CHMP2B: variants seen among roughly 807,000 people sequenced by gnomAD.
The protein encoded by CHMP2B is charged multivesicular body protein 2B.
In CHMP2B, 22 loss-of-function variants were observed where a neutral mutation model predicts 29.8. That is an observed-to-expected ratio of 0.74 (90% confidence interval 0.53 to 1.05). The LOEUF (loss-of-function observed/expected upper bound fraction) is 1.05. Among genes scored for constraint, CHMP2B ranks in the 50% least tolerant of loss-of-function variants. CHMP2B has a pLI of 0.00. For synonymous variants in CHMP2B, 78 were observed against 75.8 expected, an observed-to-expected ratio of 1.03 and a Z score of -0.15; for missense variants, 261 against 252.2, an observed-to-expected ratio of 1.03 and a Z score of -0.24.
intron 1 of CHMP2B, among the ~76,000 whole-genome samples, chr3:87,239,066 T>A (rs1473442463): frequency 1.3e-5 from 2 of 152,178 alleles, no homozygotes; most frequent in African/African-American, 4.8e-5. Flanking sequence ...CATTTGTGTA[T>A]CTTCTTTGGC....
chr3:87,228,209 A>C (rs371313810), intron 1 of CHMP2B, among the ~76,000 whole-genome samples: 21 of 152,346 alleles, frequency 1.4e-4, no homozygotes, highest in African/African-American at 5.0e-4. Context: ...ATAGAAGTTT[A>C]ACATGTAAAG....
chr3:87,233,753 A>T (rs1333545388), intron 1 of CHMP2B, among the ~76,000 whole-genome samples: 1 of 152,204 alleles, frequency 6.6e-6, no homozygotes, highest in Non-Finnish European at 1.5e-5. Flanking sequence ...ATAAAGTAGG[A>T]TGTGGGAACA....
At chr3:87,238,581 G>A (rs936026261) in intron 1 of CHMP2B, among the ~76,000 whole-genome samples, 4 of 151,940 alleles carry the variant, frequency 2.6e-5, no homozygotes, top group Non-Finnish European at 4.4e-5. Context: ...TGGCATCTTC[G>A]CTTACCATAA....
chr3:87,237,991 A>G (rs1363865210), intron 1 of CHMP2B, among the ~76,000 whole-genome samples: 1 of 152,188 alleles, frequency 6.6e-6, no homozygotes, highest in Non-Finnish European at 1.5e-5. Context: ...TTAGATGCCC[A>G]CCAGTATAAA....
rs113876409 is a variant in CHMP2B, at chr3:87,240,435, C to T, written c.35-264C>T. 9.1e-5 allele frequency: 31 copies of T among 341,160 alleles called. No individual in the cohort carries two copies. Among genetic ancestry groups the T allele is most frequent in the African/African-American group, 5.7e-4 (27 of 46,996 alleles). The allele number at this position is 341,160 out of a possible 1,614,324, so 21.1% of individuals were successfully genotyped here. On this transcript the variant is annotated intron_variant, in intron 1 of 5. Coordinates refer to ENST00000263780, the MANE Select transcript of CHMP2B (RefSeq NM_014043.4). Reference sequence around the variant, plus strand: ...AAGCGATTCTTCTACCTCAGCCTACCGAGTAGCTCGGATTACAGGCATGTG... The same window carrying T: ...AAGCGATTCTTCTACCTCAGCCTACTGAGTAGCTCGGATTACAGGCATGTG...
intron 3 of CHMP2B, among the ~76,000 whole-genome samples, chr3:87,248,093 T>C (rs562115825): frequency 6.6e-6 from 1 of 151,084 alleles, no homozygotes; most frequent in Admixed American, 6.6e-5. Flanking sequence ...AGGCCAGGAG[T>C]TCAAGACCAG....
At chr3:87,234,027 A>G (rs1196823321) in intron 1 of CHMP2B, among the ~76,000 whole-genome samples, 1 of 150,188 alleles carries the variant, frequency 6.7e-6, no homozygotes, top group African/African-American at 2.5e-5. Context: ...ATTCATCCTG[A>G]ACTGCCTTGC....
In CHMP2B at chr3:87,253,933, G is replaced by A; in HGVS notation, c.*111G>A. On this transcript the variant is annotated 3_prime_UTR_variant, in exon 6 of 6. Coordinates refer to ENST00000263780, the MANE Select transcript of CHMP2B (RefSeq NM_014043.4). The stretch of plus-strand genomic sequence containing the variant: ...ATTTTGCAAAAAAAAAAAAAATGAA[G>A]ACCATGAGTGAACAGTTGTTTCCTA... 4.2e-6 allele frequency: 3 copies of A among 707,308 alleles called. No individual in the cohort carries two copies. The highest frequency in any genetic ancestry group is 7.3e-6 in the Non-Finnish European group (3 of 413,404). The allele number at this position is 707,308 out of a possible 1,614,324, so 43.8% of individuals were successfully genotyped here.
At chr3:87,233,828 T>C (rs953101048) in intron 1 of CHMP2B, among the ~76,000 whole-genome samples, 3 of 152,156 alleles carry the variant, frequency 2.0e-5, no homozygotes, top group Non-Finnish European at 4.4e-5. Context: ...ATAAAATCAA[T>C]AGATAAAAAT....
intron 2 of CHMP2B, among the ~76,000 whole-genome samples, chr3:87,245,324 T>C (rs1215452023): frequency 1.3e-5 from 2 of 152,154 alleles, no homozygotes; most frequent in Admixed American, 6.5e-5. Context: ...TGTAATTATC[T>C]ATATTACTAG....
chr3:87,245,220 G>A (rs1706188467), intron 2 of CHMP2B, among the ~76,000 whole-genome samples: 1 of 151,910 alleles, frequency 6.6e-6, no homozygotes, highest in Admixed American at 6.6e-5. Flanking sequence ...TGTATAAGTT[G>A]GTGTCTTGAG....
Position 87,245,798 on chromosome 3 carries a change from CAG to C in CHMP2B, c.213_214del (p.Lys72AspfsTer41). The C allele has an allele frequency of 6.2e-7, 1 of 1,613,802 alleles. No homozygotes were observed. The highest frequency in any genetic ancestry group is 8.5e-7 in the Non-Finnish European group (1 of 1,179,876). On this transcript the variant is annotated frameshift_variant, in exon 3 of 6. Coordinates refer to ENST00000263780, the MANE Select transcript of CHMP2B (RefSeq NM_014043.4). LOFTEE classifies it high-confidence loss of function. The part of the protein sequence containing the change: ...LAKQLVHLRK[Q>X]KTRTFAVSSK... ...CAAACAACTTGTGCATCTACGGAAA[CAG>C]AAGACGAGAACTTTTGCTGTAAGTT...
intron 2 of CHMP2B, among the ~76,000 whole-genome samples, chr3:87,242,210 G>C (rs1179207874): frequency 6.6e-6 from 1 of 151,974 alleles, no homozygotes; most frequent in East Asian, 1.9e-4. Flanking sequence ...AGTATATGTT[G>C]TACAAATATT....
chr3:87,240,832 T>C, intron 2 of CHMP2B, 42 bp downstream of exon 2: 1 of 1,479,508 alleles, frequency 6.8e-7, no homozygotes, highest in Non-Finnish European at 9.5e-7. Flanking sequence ...TTCAAACAAA[T>C]TTGGAAATTA....
chr3:87,241,100 A>G (rs185484639), intron 2 of CHMP2B, among the ~76,000 whole-genome samples: 8 of 152,340 alleles, frequency 5.3e-5, no homozygotes, highest in African/African-American at 1.9e-4. Context: ...CAGGAAGATG[A>G]AATAGTCATG....
At chr3:87,253,637 C>A in intron 5 of CHMP2B, 75 bp from the exon 6 acceptor site, 1 of 1,405,144 alleles carries the variant, frequency 7.1e-7, no homozygotes, top group Non-Finnish European at 1.0e-6. Context: ...AAACAGACCT[C>A]TTTACAGCAC....
chr3:87,251,137 C>G (rs1285814406), intron 4 of CHMP2B, among the ~76,000 whole-genome samples: 3 of 151,738 alleles, frequency 2.0e-5, no homozygotes. Context: ...AATTAAGTTA[C>G]CAGGGTTAAT....
chr3:87,249,803 C>T lies in CHMP2B; in HGVS notation c.322-72C>T, dbSNP rs1364391664. On this transcript the variant is annotated intron_variant, in intron 3 of 5. Transcript: ENST00000263780. ...AAGCCTATCTATATTTGATGTGTTC[C>T]CTTTTGACTTATTTCATAGTAAAAT... The T allele has an allele frequency of 5.8e-6, 5 of 863,086 alleles. No homozygotes were observed. The African/African-American group carries it at 8.5e-5, about 15-fold the overall frequency. The allele number at this position is 863,086 out of a possible 1,614,324, so 53.5% of individuals were successfully genotyped here. A position where few individuals can be genotyped will look rare whatever the true frequency, so the allele number is the denominator to read the frequency against.
chr3:87,241,806 T>A (rs191687469), intron 2 of CHMP2B, among the ~76,000 whole-genome samples: 1 of 152,294 alleles, frequency 6.6e-6, no homozygotes, highest in Non-Finnish European at 1.5e-5. Context: ...TTCATTTTTC[T>A]TGGGTATATT....
Sources: gnomAD v4.1 joint callset for allele counts (sites outside exome capture counted in the v4.1 genomes callset) on GRCh38, gnomAD v4.1.1 for gene constraint, MANE v1.5 for transcripts, NCBI Gene and HGNC (gene_info 2026-07-23, HGNC 2026-07-21) for gene names.